Variants in NRXN3 observed in about 807,000 individuals in gnomAD.
NRXN3 encodes the protein neurexin 3, also known as neurexin III.
In NRXN3, 32 loss-of-function variants were observed where a neutral mutation model predicts 137.6. The ratio of observed to expected loss-of-function variants is 0.23; its 90% CI spans 0.18 to 0.31. The LOEUF (loss-of-function observed/expected upper bound fraction) is 0.31, where lower values mean the gene tolerates loss of function less well. NRXN3 is among the 10% of genes least tolerant of loss of function. The probability of loss-of-function intolerance (pLI) is 1.00; values close to 1 mark genes in which losing one functional copy is unlikely to be tolerated. For synonymous variants in NRXN3, 798 were observed against 784.5 expected (o/e 1.02, Z -0.29); for missense variants, 1,574 against 2,062.5 (o/e 0.76, Z 4.59).
chr14:78,315,038 G>A (rs987656973), intron 4 of NRXN3, among the ~76,000 whole-genome samples: 4 of 143,672 alleles, frequency 2.8e-5, no homozygotes, highest in Middle Eastern at 3.5e-3. Context: ...TTGAGACAGG[G>A]TCTTGCTCTG....
intron 19 of NRXN3, among the ~76,000 whole-genome samples, chr14:79,707,316 A>ATAATT (rs2098784640): frequency 6.6e-6 from 1 of 152,202 alleles, no homozygotes; most frequent in South Asian, 2.1e-4. Flanking sequence ...GGGGGCCAAT[A>ATAATT]TAATTTATTT....
At chr14:79,733,675 T>C (rs758948561) in intron 19 of NRXN3, among the ~76,000 whole-genome samples, 1 of 62,804 alleles carries the variant, frequency 1.6e-5, no homozygotes, top group Non-Finnish European at 3.3e-5. Flanking sequence ...GCTGTTGTTG[T>C]TTTTTTTTTT....
At chr14:79,403,708 TA>T (rs1031433721) in intron 15 of NRXN3, among the ~76,000 whole-genome samples, 3 of 152,058 alleles carry the variant, frequency 2.0e-5, no homozygotes, top group African/African-American at 7.2e-5. Flanking sequence ...TGTGCTGGTA[TA>T]AATTTGACCC....
chr14:78,296,505 C>T (rs1276887704), intron 3 of NRXN3, among the ~76,000 whole-genome samples: 2 of 152,152 alleles, frequency 1.3e-5, no homozygotes, highest in African/African-American at 4.8e-5. Flanking sequence ...TTACTATACC[C>T]TTCCCCCACA....
intron 4 of NRXN3, among the ~76,000 whole-genome samples, chr14:78,437,338 T>C (rs1472998985): frequency 1.4e-5 from 2 of 146,254 alleles, no homozygotes; most frequent in African/African-American, 5.4e-5. Flanking sequence ...TTTCTTTTCT[T>C]TTCTTTTTCT....
At chr14:78,970,333 A>G (rs1307214817) in intron 14 of NRXN3, among the ~76,000 whole-genome samples, 1 of 152,222 alleles carries the variant, frequency 6.6e-6, no homozygotes, top group Non-Finnish European at 1.5e-5. Context: ...ATTTTATTCA[A>G]TTTAACTAAA....
At chr14:79,178,924 T>G (rs1344494149) in intron 15 of NRXN3, among the ~76,000 whole-genome samples, 1 of 152,144 alleles carries the variant, frequency 6.6e-6, no homozygotes, top group Non-Finnish European at 1.5e-5. Context: ...TTCCTACCAC[T>G]CAGCATTTTC....
At chr14:79,820,070 A>T (rs1487232603) in intron 20 of NRXN3, among the ~76,000 whole-genome samples, 1 of 151,990 alleles carries the variant, frequency 6.6e-6, no homozygotes, top group African/African-American at 2.4e-5. Flanking sequence ...TTCTTCCCCA[A>T]ACCTTGGCTA....
intron 6 of NRXN3, among the ~76,000 whole-genome samples, chr14:78,670,877 G>A (rs1029161789): frequency 1.3e-5 from 2 of 152,178 alleles, no homozygotes; most frequent in Admixed American, 6.5e-5. Flanking sequence ...CAGGCCTAAT[G>A]GGGAAAGTGC....
intron 16 of NRXN3, among the ~76,000 whole-genome samples, chr14:79,543,094 A>G (rs138191657): frequency 1.0e-3 from 152 of 152,266 alleles, no homozygotes; most frequent in African/African-American, 3.5e-3. Context: ...TATGAAGGCA[A>G]ATTGCTCAGG....
At chr14:78,959,368 T>A (rs1464299243) in intron 11 of NRXN3, among the ~76,000 whole-genome samples, 1 of 152,216 alleles carries the variant, frequency 6.6e-6, no homozygotes, top group Admixed American at 6.5e-5. Context: ...TCCAAATCCA[T>A]GTCAGTGTGA....
At chr14:79,820,827 TA>T in intron 20 of NRXN3, among the ~76,000 whole-genome samples, 1 of 152,280 alleles carries the variant, frequency 6.6e-6, no homozygotes, top group African/African-American at 2.4e-5. Flanking sequence ...GACTCATATA[TA>T]AACATGGGGC....
chr14:79,167,013 G>T (rs975799266), intron 15 of NRXN3, among the ~76,000 whole-genome samples: 1 of 151,806 alleles, frequency 6.6e-6, no homozygotes, highest in Non-Finnish European at 1.5e-5. Flanking sequence ...GTATATCCTG[G>T]CAAATGCAGT....
At chr14:78,945,273 T>C (rs905517314) in intron 10 of NRXN3, among the ~76,000 whole-genome samples, 2 of 152,220 alleles carry the variant, frequency 1.3e-5, no homozygotes, top group Non-Finnish European at 2.9e-5. Flanking sequence ...GATGAATATT[T>C]AAATTTCTTT....
intron 15 of NRXN3, among the ~76,000 whole-genome samples, chr14:79,180,088 AAAT>A (rs2062760537): frequency 1.3e-5 from 2 of 152,352 alleles, no homozygotes; most frequent in East Asian, 3.9e-4. Context: ...ACAATCATAA[AAAT>A]AATAATAAAT....
chr14:79,631,864 G>A (rs2098354147), intron 16 of NRXN3, among the ~76,000 whole-genome samples: 1 of 152,088 alleles, frequency 6.6e-6, no homozygotes, highest in Non-Finnish European at 1.5e-5. Context: ...CTAAAGGATT[G>A]TAAATGCACC....
At chr14:78,978,481 T>A (rs1264571361) in intron 14 of NRXN3, among the ~76,000 whole-genome samples, 2 of 152,052 alleles carry the variant, frequency 1.3e-5, no homozygotes. Flanking sequence ...CCAGTTAAAA[T>A]GAATAGATCT....
At chr14:79,758,918 C>T (rs1479557796) in intron 19 of NRXN3, among the ~76,000 whole-genome samples, 1 of 152,188 alleles carries the variant, frequency 6.6e-6, no homozygotes, top group Non-Finnish European at 1.5e-5. Flanking sequence ...AGAGACTCAG[C>T]TTTCTCATCC....
At chr14:79,180,258 A>G (rs12586482) in intron 15 of NRXN3, among the ~76,000 whole-genome samples, 39,859 of 151,922 alleles carry the variant, frequency 0.26, 6,001 homozygotes, top group Non-Finnish European at 0.35. Flanking sequence ...GCAATGAAAG[A>G]AGGCCTATTG....
Sources: allele counts gnomAD v4.1 joint callset (sites outside exome capture counted in the v4.1 genomes callset), GRCh38; gene constraint gnomAD v4.1.1; transcripts MANE v1.5; gene names NCBI Gene and HGNC (gene_info 2026-07-23, HGNC 2026-07-21).